The following HDAC5 variants were observed in gnomAD, a reference collection of about 807,000 sequenced individuals.
The protein encoded by HDAC5 is histone deacetylase 5, also known as antigen NY-CO-9.
Under a neutral mutation model 133.3 loss-of-function variants are expected in HDAC5, and 25 were observed. The ratio of observed to expected loss-of-function variants is 0.19; its 90% CI spans 0.14 to 0.26. The LOEUF (loss-of-function observed/expected upper bound fraction) is 0.26, where lower values mean the gene tolerates loss of function less well. HDAC5 is among the 10% of genes least tolerant of loss of function. The probability of loss-of-function intolerance (pLI) is 1.00; values close to 1 mark genes in which losing one functional copy is unlikely to be tolerated. For synonymous variants in HDAC5, 589 were observed against 610.8 expected, an observed-to-expected ratio of 0.96 and a Z score of 0.53; for missense variants, 1,041 against 1,460.5, an observed-to-expected ratio of 0.71 and a Z score of 4.68.
Position 44,080,253 on chromosome 17 carries a change from C to T in HDAC5, c.2826-28G>A, listed in dbSNP as rs115019627. 1,441 of 1,586,760 alleles carry T rather than the reference C, an allele frequency of 9.1e-4. 15 individuals are homozygous for T. In the African/African-American group the frequency reaches 0.018, roughly 19 times the overall value. Reference sequence around the variant, plus strand: ...GCAAAGGGATGGCTCAAGCTGAGCCCGGCAGATGACCAGGCCAGGCCTCGC... The same window carrying T: ...GCAAAGGGATGGCTCAAGCTGAGCCTGGCAGATGACCAGGCCAGGCCTCGC... On this transcript the variant is annotated intron_variant, in intron 22 of 26. Transcript: ENST00000682912.
chr17:44,085,270 C>A (rs1260874850), intron 14 of HDAC5, 115 bp from the exon 15 acceptor site: 1 of 1,111,232 alleles, frequency 9.0e-7, no homozygotes, highest in Non-Finnish European at 1.2e-6. Flanking sequence ...GGTCCAAACA[C>A]CTCCCCATGG....
chr17:44,082,834 G>C lies in HDAC5; in HGVS notation c.2464-14C>G. 6.4e-7 allele frequency: 1 copy of C among 1,552,302 alleles called. No individual in the cohort carries two copies. The highest frequency in any genetic ancestry group is 8.7e-7 in the Non-Finnish European group (1 of 1,147,244). ...GGCAAATCCATTCTGAAGAGGTGCA[G>C]GCAGAGGTGAGGGGCAAGATCCAGG... is the stretch of plus-strand genomic sequence containing the variant. On this transcript the variant is annotated splice_polypyrimidine_tract_variant and intron_variant, in intron 18 of 26. Coordinates refer to ENST00000682912, the MANE Select transcript of HDAC5 (RefSeq NM_005474.5).
intron 3 of HDAC5, among the ~76,000 whole-genome samples, chr17:44,108,623 G>A (rs530720678): frequency 5.3e-5 from 8 of 152,140 alleles, no homozygotes; most frequent in African/African-American, 1.9e-4. Context: ...CAAGAGATGG[G>A]GAGAGGGGGT....
rs114963282 is a variant in HDAC5 at position 44,088,659 on chromosome 17, G to A, written c.1388-61C>T. ...CAGGGCACCTGACTGCCCTCCCACC[G>A]ACCCTGCATCTTGCCCCCACAACCC... On this transcript the variant is annotated intron_variant, in intron 11 of 26. Transcript: ENST00000682912. The A allele has an allele frequency of 2.8e-3, 4,396 of 1,562,722 alleles. 113 individuals carry two copies. In the African/African-American group the frequency reaches 0.052, roughly 19 times the overall value.
At chr17:44,090,793 T>C (rs952345802) in intron 11 of HDAC5, among the ~76,000 whole-genome samples, 2 of 150,602 alleles carry the variant, frequency 1.3e-5, no homozygotes, top group Non-Finnish European at 1.5e-5. Context: ...AGGTTCACAC[T>C]GTTCTCCTGC....
chr17:44,111,715 C>A, intron 2 of HDAC5: 1 of 510,990 alleles, frequency 2.0e-6, no homozygotes, highest in East Asian at 5.5e-5. Flanking sequence ...CTCCCCACCC[C>A]TTCAACCAGC....
chr17:44,104,804 C>T (rs913027375), intron 3 of HDAC5, among the ~76,000 whole-genome samples: 3 of 95,048 alleles, frequency 3.2e-5, no homozygotes, highest in African/African-American at 8.8e-5. Flanking sequence ...TCACTGAGCC[C>T]CACTGCAGGT....
chr17:44,092,998 T>G, intron 6 of HDAC5, 94 bp downstream of exon 6: 2 of 873,616 alleles, frequency 2.3e-6, no homozygotes, highest in Non-Finnish European at 3.5e-6. Flanking sequence ...AGGGCCCGTA[T>G]ATGGGCACGG....
rs1348639079 is a variant in HDAC5 at position 44,096,113 on chromosome 17, AG to A, written c.95-2280del. ...CTGGGCAAACACCACACCAGCAGGG[AG>A]CCCCAAGCCCAGCCCAAGCCCCACA... On this transcript the variant is annotated intron_variant, in intron 3 of 26. Transcript: ENST00000682912. Among the ~76,000 whole-genome samples the A allele has an allele frequency of 2.6e-5, 4 of 152,246 alleles. No individual in the cohort carries two copies. In the East Asian group the frequency reaches 7.7e-4, roughly 29 times the overall value.
At chr17:44,079,639 C>CAAAAAAAA (rs773678478) in intron 23 of HDAC5, among the ~76,000 whole-genome samples, 5 of 66,006 alleles carry the variant, frequency 7.6e-5, no homozygotes, top group African/African-American at 2.4e-4. Context: ...GACTCCACCT[C>CAAAAAAAA]AAAAAAAAAA....
intron 3 of HDAC5, among the ~76,000 whole-genome samples, chr17:44,098,760 G>A (rs896265810): frequency 1.4e-5 from 2 of 141,094 alleles, no homozygotes; most frequent in Admixed American, 1.5e-4. Flanking sequence ...AAAAAAAGAG[G>A]GTAGACGAAG....
At position 44,078,529 on chromosome 17, in the gene HDAC5, C is replaced by T. The variant is rs112962881; in HGVS notation, c.3300G>A (p.Gln1100=). ...ALLSVGAEQA[Q]AAAAREHSPR... Reference sequence around the variant, plus strand: ...GGCTGTGTTCCCGGGCTGCCGCAGCCTGGGCCTGCTCGGCCCCCACCGACA... The same window carrying T: ...GGCTGTGTTCCCGGGCTGCCGCAGCTTGGGCCTGCTCGGCCCCCACCGACA... Residue 1100 remains glutamine, a synonymous_variant, in exon 26 of 27, where the codon CAG becomes CAA. Coordinates refer to ENST00000682912, the MANE Select transcript of HDAC5 (RefSeq NM_005474.5). 2 of 1,611,942 alleles carry T rather than the reference C, an allele frequency of 1.2e-6. No individual in the cohort carries two copies. Among genetic ancestry groups the T allele is most frequent in the African/African-American group, 2.7e-5 (2 of 75,018 alleles).
rs1370973692 is a variant in HDAC5, at chr17:44,096,438, G to GA, written c.95-2605dup. 6.5e-3 allele frequency among the ~76,000 whole-genome samples: 910 copies of GA among 140,670 alleles called. 10 individuals are homozygous for GA. The highest frequency in any genetic ancestry group is 0.02 in the African/African-American group (759 of 38,216). The allele number at this position is 140,670 out of a possible 152,430, so 92.3% of individuals were successfully genotyped here. A position where few individuals can be genotyped will look rare whatever the true frequency, so the allele number is the denominator to read the frequency against. Reference sequence around the variant, plus strand: ...CCCCAGCATTAAGAGGCGAGAGAGGGAAAAAAAAAACAAAAAACAAGTTTT... The same window carrying GA: ...CCCCAGCATTAAGAGGCGAGAGAGGGAAAAAAAAAAACAAAAAACAAGTTTT... On this transcript the variant is annotated intron_variant, in intron 3 of 26. Coordinates refer to ENST00000682912, the MANE Select transcript of HDAC5 (RefSeq NM_005474.5).
chr17:44,090,534 C>T (rs1378711093), intron 11 of HDAC5, among the ~76,000 whole-genome samples: 1 of 151,024 alleles, frequency 6.6e-6, no homozygotes, highest in Non-Finnish European at 1.5e-5. Context: ...GCCACCACGC[C>T]CAGCTAATTT....
At chr17:44,111,659 A>G (rs2052354020) in intron 2 of HDAC5, 2 of 517,742 alleles carry the variant, frequency 3.9e-6, no homozygotes, top group South Asian at 1.4e-5. Context: ...TAATAGCCCC[A>G]TGGAGGTTTG....
intron 2 of HDAC5, among the ~76,000 whole-genome samples, chr17:44,116,227 C>T (rs2143626387): frequency 6.6e-6 from 1 of 152,310 alleles, no homozygotes; most frequent in East Asian, 1.9e-4. Flanking sequence ...CACTACTGCC[C>T]GACATGGCTG....
chr17:44,082,645 G>A lies in HDAC5; in HGVS notation c.2547C>T (p.Ala849=), dbSNP rs915239382. 6.2e-7 allele frequency: 1 copy of A among 1,614,154 alleles called. No homozygotes were observed. Among genetic ancestry groups the A allele is most frequent in the Non-Finnish European group, 8.5e-7 (1 of 1,179,998 alleles). The change falls in exon 20 of 27, where the codon GCC becomes GCT. Residue 849 remains alanine, a synonymous_variant. Transcript: ENST00000682912. ...TCTGCTGTAGGAGTTTTGCGGTGAT[G>A]GCTACAGAGTTGAAGAAGCAGAATC... ...AMGFCFFNSV[A]ITAKLLQQKL...
chr17:44,121,991 A>C (rs1410885382), intron 1 of HDAC5, among the ~76,000 whole-genome samples: 2 of 152,156 alleles, frequency 1.3e-5, no homozygotes, highest in Non-Finnish European at 2.9e-5. Flanking sequence ...GCCCAGATCC[A>C]AGTTCAAGTG....
In HDAC5 at chr17:44,087,280, C is replaced by T. The variant is rs576470694; in HGVS notation, c.1884+132G>A. On this transcript the variant is annotated intron_variant, in intron 13 of 26. Transcript: ENST00000682912. Reference sequence around the variant, plus strand: ...CGGCCTCCTTCCCACTCCCCTTTTGCTCTCTACAGAAAGCTGCTCCTGCAC... The same window carrying T: ...CGGCCTCCTTCCCACTCCCCTTTTGTTCTCTACAGAAAGCTGCTCCTGCAC... 4 of 621,422 alleles carry T rather than the reference C, an allele frequency of 6.4e-6. No individual in the cohort carries two copies. In the East Asian group the frequency reaches 7.9e-5, roughly 12 times the overall value. The allele number at this position is 621,422 out of a possible 1,614,324, so 38.5% of individuals were successfully genotyped here. A position where few individuals can be genotyped will look rare whatever the true frequency, so the allele number is the denominator to read the frequency against.
Sources: allele counts gnomAD v4.1 joint callset (sites outside exome capture counted in the v4.1 genomes callset), GRCh38; gene constraint gnomAD v4.1.1; transcripts MANE v1.5; gene names NCBI Gene and HGNC (gene_info 2026-07-23, HGNC 2026-07-21).